Variants in PACRGL observed in about 807,000 individuals in gnomAD.
PACRGL encodes the protein parkin coregulated like.
A neutral mutation model predicts 34.5 loss-of-function variants in PACRGL; 38 were observed. That is an observed-to-expected ratio of 1.10 (90% CI 0.85 to 1.44). The LOEUF (loss-of-function observed/expected upper bound fraction) is 1.44, where lower values mean the gene tolerates loss of function less well. Ranked by LOEUF, PACRGL falls within the 40% of genes most tolerant of loss-of-function variation. The pLI, the probability that PACRGL is intolerant of heterozygous loss-of-function variation, is 0.00. For synonymous variants in PACRGL, 128 were observed against 100.1 expected, an observed-to-expected ratio of 1.28 and a Z score of -1.66; for missense variants, 305 against 281.4, an observed-to-expected ratio of 1.08 and a Z score of -0.60.
chr4:20,753,422 C>T (rs1320408617), downstream of PACRGL, among the ~76,000 whole-genome samples: 1 of 152,160 alleles, frequency 6.6e-6, no homozygotes. Context: ...TCCACAAACT[C>T]TGAACTTAGT....
At chr4:20,737,855 G>C (rs994868056) in intron 8 of PACRGL, among the ~76,000 whole-genome samples, 5 of 152,222 alleles carry the variant, frequency 3.3e-5, no homozygotes, top group African/African-American at 9.6e-5. Flanking sequence ...CAGCAGGCTG[G>C]GGATCATGGC....
intron 8 of PACRGL, among the ~76,000 whole-genome samples, chr4:20,741,985 C>T (rs947695658): frequency 1.3e-5 from 2 of 152,250 alleles, no homozygotes; most frequent in African/African-American, 4.8e-5. Context: ...TGGATAAATT[C>T]CTGGACACAT....
rs534181275 is a variant in PACRGL at position 20,713,189 on chromosome 4, T to G, written c.502-243T>G. 15 of 548,818 alleles carry G rather than the reference T, an allele frequency of 2.7e-5. No individual in the cohort carries two copies. The East Asian group carries it at 3.0e-4, about 11-fold the overall frequency. The allele number at this position is 548,818 out of a possible 1,614,324, so 34.0% of individuals were successfully genotyped here. On this transcript the variant is annotated intron_variant, in intron 6 of 8. Coordinates refer to ENST00000503585, the MANE Select transcript of PACRGL (RefSeq NM_001258345.3). ...AAGTAATGAACCTCAAATCAGCCTT[T>G]CTGTATGCTACATATATTTTAGTTA...
At position 20,723,147 on chromosome 4, in the gene PACRGL, CT is replaced by C. The variant is rs554216775; in HGVS notation, c.610-1658del. 4.2e-3 allele frequency among the ~76,000 whole-genome samples: 635 copies of C among 152,284 alleles called. 7 individuals are homozygous for C. Among genetic ancestry groups the C allele is most frequent in the Admixed American group, 0.012 (179 of 15,300 alleles). On this transcript the variant is annotated intron_variant, in intron 7 of 8. Transcript: ENST00000503585. ...GAGGAGAAGACATAGTGAGAATAGA[CT>C]TTCAAGCCTTGACATATGAGGAGTC...
chr4:20,719,693 G>C (rs2149157527), intron 7 of PACRGL, among the ~76,000 whole-genome samples: 1 of 152,204 alleles, frequency 6.6e-6, no homozygotes, highest in African/African-American at 2.4e-5. Flanking sequence ...TGGTCTGAGA[G>C]ACAGTTTGTT....
In PACRGL at chr4:20,730,254, T is replaced by TTAAG. The variant is rs1747689916; in HGVS notation, c.*2915_*2918dup. The TTAAG allele has an allele frequency of 1.6e-6, 2 of 1,231,230 alleles. No individual in the cohort carries two copies. Among genetic ancestry groups the TTAAG allele is most frequent in the African/African-American group, 1.5e-5 (1 of 65,166 alleles). The allele number at this position is 1,231,230 out of a possible 1,614,324, so 76.3% of individuals were successfully genotyped here. A position where few individuals can be genotyped will look rare whatever the true frequency, so the allele number is the denominator to read the frequency against. ...ACCACCTATGCCAAAAGCTCAAATA[T>TTAAG]TAAGTGTTTGCAAATGTAAATGCCA... On this transcript the variant is annotated 3_prime_UTR_variant, in exon 9 of 9. Transcript: ENST00000503585.
Position 20,732,087 on chromosome 4 carries a change from A to AG in PACRGL, c.*4746_*4747insG, listed in dbSNP as rs1748412833. The AG allele has an allele frequency of 6.4e-7, 1 of 1,568,404 alleles. No homozygotes were observed. The highest frequency in any genetic ancestry group is 8.8e-7 in the Non-Finnish European group (1 of 1,139,446). On this transcript the variant is annotated 3_prime_UTR_variant, in exon 9 of 9. Coordinates refer to ENST00000503585, the MANE Select transcript of PACRGL (RefSeq NM_001258345.3). ...CCATTTTCTGTTCAGGAAGAAAACA[A>AG]AAATTGTATTTAGACTTATCCCTTA...
chr4:20,724,897 A>G lies in PACRGL; in HGVS notation c.690+9A>G, dbSNP rs1744965215. 2 of 1,422,146 alleles carry G rather than the reference A, an allele frequency of 1.4e-6. No homozygotes were observed. The highest frequency in any genetic ancestry group is 3.6e-4 in the Middle Eastern group (2 of 5,492). The allele number at this position is 1,422,146 out of a possible 1,614,324, so 88.1% of individuals were successfully genotyped here. A position where few individuals can be genotyped will look rare whatever the true frequency, so the allele number is the denominator to read the frequency against. On this transcript the variant is annotated intron_variant, in intron 8 of 8. Coordinates refer to ENST00000503585, the MANE Select transcript of PACRGL (RefSeq NM_001258345.3). ...AGCAACATGGTGGAAGTGTAAGTAGAATATTATTCCTTAAGTCTTTTTTTT... is the reference window on the plus strand; with the variant it reads ...AGCAACATGGTGGAAGTGTAAGTAGGATATTATTCCTTAAGTCTTTTTTTT...
intron 5 of PACRGL, among the ~76,000 whole-genome samples, chr4:20,712,468 T>C (rs1178593164): frequency 6.6e-6 from 1 of 152,128 alleles, no homozygotes; most frequent in Non-Finnish European, 1.5e-5. Context: ...ATAGGCATTA[T>C]AAGTAATCTA....
chr4:20,767,341 A>G, the PACRGL span: 4 of 152,190 alleles, frequency 2.6e-5, no homozygotes, highest in East Asian at 5.8e-4. Context: ...AATAAAGGCC[A>G]CCATCATGGA....
the PACRGL span, chr4:20,766,826 T>C: frequency 6.6e-6 from 1 of 152,192 alleles, no homozygotes; most frequent in African/African-American, 2.4e-5. Context: ...GCAGTGCTTA[T>C]ATTCTTGGGC....
rs1553881616 is a variant in PACRGL at position 20,729,487 on chromosome 4, T to TAATAATTTTTAAATGTTTAAA, written c.*2150_*2170dup. Reference sequence around the variant, plus strand: ...GATAATAAACTAATTTTTAAATGTTTAATAATTTTTAAATGTTTAAAAATG... The same window carrying TAATAATTTTTAAATGTTTAAA: ...GATAATAAACTAATTTTTAAATGTTTAATAATTTTTAAATGTTTAAAAATAATTTTTAAATGTTTAAAAATG... On this transcript the variant is annotated 3_prime_UTR_variant, in exon 9 of 9. Transcript: ENST00000503585. The TAATAATTTTTAAATGTTTAAA allele has an allele frequency of 1.7e-5, 2 of 119,006 alleles. No homozygotes were observed. The highest frequency in any genetic ancestry group is 3.5e-5 in the Non-Finnish European group (2 of 56,818). The allele number at this position is 119,006 out of a possible 1,614,324, so 7.4% of individuals were successfully genotyped here.
At chr4:20,742,322 AATATT>A (rs1751319954) in intron 8 of PACRGL, among the ~76,000 whole-genome samples, 1 of 152,202 alleles carries the variant, frequency 6.6e-6, no homozygotes, top group African/African-American at 2.4e-5. Context: ...TCCTCAATAA[AATATT>A]AGCAAACCGA....
chr4:20,734,290 G>T (rs1220878712), downstream of PACRGL, among the ~76,000 whole-genome samples: 1 of 152,136 alleles, frequency 6.6e-6, no homozygotes, highest in African/African-American at 2.4e-5. Flanking sequence ...ATCACATGCT[G>T]TGGGGAAAAG....
rs763870429 is a variant in PACRGL, at chr4:20,730,175, G to A, written c.*2834G>A. 8 of 1,568,676 alleles carry A rather than the reference G, an allele frequency of 5.1e-6. No individual in the cohort carries two copies. The South Asian group carries it at 6.0e-5, about 12-fold the overall frequency. ...GCGATTAAATTCAGCATATCTGCAA[G>A]GAAAAGTACACTATTTTGCCCCTGA... On this transcript the variant is annotated 3_prime_UTR_variant, in exon 9 of 9. Coordinates refer to ENST00000503585, the MANE Select transcript of PACRGL (RefSeq NM_001258345.3).
At chr4:20,754,163 G>A (rs1287913163), downstream of PACRGL, among the ~76,000 whole-genome samples, 3 of 152,042 alleles carry the variant, frequency 2.0e-5, no homozygotes. Context: ...CTTACAGTAG[G>A]CATACTTTAT....
the PACRGL span, among the ~76,000 whole-genome samples, chr4:20,766,602 T>C: frequency 2.0e-5 from 3 of 152,064 alleles, no homozygotes; most frequent in African/African-American, 7.2e-5. Flanking sequence ...AAAGCAACTT[T>C]AGAGACAATT....
At chr4:20,717,760 G>A (rs1273107926) in intron 7 of PACRGL, among the ~76,000 whole-genome samples, 1 of 152,180 alleles carries the variant, frequency 6.6e-6, no homozygotes, top group African/African-American at 2.4e-5. Context: ...TTTGAAGTCA[G>A]GTAGTGTGAT....
chr4:20,724,995 A>G (rs888472173), intron 8 of PACRGL, 107 bp downstream of exon 8: 4 of 593,404 alleles, frequency 6.7e-6, no homozygotes, highest in African/African-American at 5.8e-5. Context: ...AGCCACAGGT[A>G]ACTATGTGAA....
Sources: gnomAD v4.1 joint callset for allele counts (sites outside exome capture counted in the v4.1 genomes callset) on GRCh38, gnomAD v4.1.1 for gene constraint, MANE v1.5 for transcripts, NCBI Gene and HGNC (gene_info 2026-07-23, HGNC 2026-07-21) for gene names.